CRLF3: variants seen among roughly 807,000 people sequenced by gnomAD.
CRLF3 encodes cytokine receptor like factor 3.
In CRLF3, 33 loss-of-function variants were observed where a neutral mutation model predicts 55.0. That is an observed-to-expected ratio of 0.60 (90% CI 0.46 to 0.80). The LOEUF (loss-of-function observed/expected upper bound fraction) is 0.80. Ranked by LOEUF, CRLF3 falls within the 30% of genes least tolerant of loss-of-function variation. The pLI, the probability that CRLF3 is intolerant of heterozygous loss-of-function variation, is 0.00. For synonymous variants in CRLF3, 238 were observed against 196.8 expected (o/e 1.21, Z -1.75); for missense variants, 494 against 538.4 (o/e 0.92, Z 0.82).
intron 1 of CRLF3, among the ~76,000 whole-genome samples, chr17:30,818,099 A>G (rs1904865591): frequency 6.6e-6 from 1 of 151,686 alleles, no homozygotes; most frequent in East Asian, 2.0e-4. Flanking sequence ...GTCTCTACTA[A>G]AAATACAAAA....
intron 6 of CRLF3, 27 bp from the exon 7 acceptor site, chr17:30,786,058 C>G: frequency 1.6e-6 from 2 of 1,234,212 alleles, no homozygotes; most frequent in Admixed American, 1.8e-5. Flanking sequence ...AAGGTCATTT[C>G]ATACTTTTAA....
intron 1 of CRLF3, among the ~76,000 whole-genome samples, chr17:30,817,264 C>A (rs1420923081): frequency 6.6e-6 from 1 of 152,024 alleles, no homozygotes; most frequent in Non-Finnish European, 1.5e-5. Context: ...ATGGTGAAAC[C>A]TCCTTCTACT....
chr17:30,797,430 GAAA>G, intron 2 of CRLF3, 32 bp from the exon 3 acceptor site: 1 of 1,545,934 alleles, frequency 6.5e-7, no homozygotes, highest in Non-Finnish European at 8.9e-7. Flanking sequence ...CTAGAACAAT[GAAA>G]ATGGTCACAT....
At chr17:30,815,329 A>AC (rs1466020657) in intron 1 of CRLF3, among the ~76,000 whole-genome samples, 1 of 148,540 alleles carries the variant, frequency 6.7e-6, no homozygotes, top group Non-Finnish European at 1.5e-5. Context: ...CAGGTGATCC[A>AC]CCCGCCTTGG....
At chr17:30,791,101 T>A (rs1216969724) in intron 6 of CRLF3, among the ~76,000 whole-genome samples, 3 of 151,996 alleles carry the variant, frequency 2.0e-5, no homozygotes, top group Non-Finnish European at 2.9e-5. Flanking sequence ...TTTTTCTTTT[T>A]GAGACGGGTC....
intron 3 of CRLF3, 46 bp from the exon 4 acceptor site, chr17:30,796,383 T>G: frequency 4.9e-6 from 7 of 1,441,120 alleles, no homozygotes; most frequent in Non-Finnish European, 6.6e-6. Context: ...AACTGAGAGT[T>G]AAAAAATACA....
At position 30,783,991 on chromosome 17, in the gene CRLF3, A is replaced by G. The variant is rs781648865; in HGVS notation, c.*196T>C. Reference sequence around the variant, plus strand: ...TATTTAACAGTATGCTAAAAATAAAATTGACTGAATTGTATGATTTTGTCC... The same window carrying G: ...TATTTAACAGTATGCTAAAAATAAAGTTGACTGAATTGTATGATTTTGTCC... On this transcript the variant is annotated 3_prime_UTR_variant, in exon 8 of 8. Transcript: ENST00000324238. The G allele has an allele frequency of 3.7e-6, 2 of 534,178 alleles. No homozygotes were observed. Among genetic ancestry groups the G allele is most frequent in the African/African-American group, 1.9e-5 (1 of 52,168 alleles). 33.1% of individuals were successfully genotyped at this position (534,178 alleles called of 1,614,324 possible). A position where few individuals can be genotyped will look rare whatever the true frequency, so the allele number is the denominator to read the frequency against.
At chr17:30,796,064 G>A (rs1028259972) in intron 4 of CRLF3, 96 bp downstream of exon 4, 16 of 727,658 alleles carry the variant, frequency 2.2e-5, no homozygotes, top group Non-Finnish European at 3.4e-5. Context: ...GAGAAGAAAA[G>A]AATGTATTTA....
rs1378142268 is a variant in CRLF3 at position 30,783,074 on chromosome 17, C to T, written c.*1113G>A. The T allele has an allele frequency of 6.6e-6, 1 of 151,998 alleles. No homozygotes were observed. Among genetic ancestry groups the T allele is most frequent in the East Asian group, 1.9e-4 (1 of 5,188 alleles). 9.4% of individuals were successfully genotyped at this position (151,998 alleles called of 1,614,324 possible). On this transcript the variant is annotated 3_prime_UTR_variant, in exon 8 of 8. Transcript: ENST00000324238. ...ATTTTTTTGCTCTGCTAAAAAGAGACCACTTATTAAACTGACATTAAACTG... is the reference window on the plus strand; with the variant it reads ...ATTTTTTTGCTCTGCTAAAAAGAGATCACTTATTAAACTGACATTAAACTG...
chr17:30,823,297 G>A (rs1382703415), intron 1 of CRLF3, among the ~76,000 whole-genome samples: 2 of 151,752 alleles, frequency 1.3e-5, no homozygotes, highest in Non-Finnish European at 2.9e-5. Flanking sequence ...GGGAGGCGGA[G>A]GTTGTTGCAG....
chr17:30,800,648 TTTAAGAGACAG>T (rs1312987996), intron 2 of CRLF3, among the ~76,000 whole-genome samples: 2 of 152,198 alleles, frequency 1.3e-5, no homozygotes, highest in Admixed American at 1.3e-4. Flanking sequence ...TGTTTTTATT[TTTAAGAGACAG>T]GGTCTTGCTC....
At chr17:30,785,694 A>G (rs1971626645) in intron 7 of CRLF3, among the ~76,000 whole-genome samples, 1 of 151,566 alleles carries the variant, frequency 6.6e-6, no homozygotes, top group Non-Finnish European at 1.5e-5. Context: ...AAGTGGGAGG[A>G]TGGCTTGGGC....
chr17:30,820,492 C>T (rs1160106633), intron 1 of CRLF3, among the ~76,000 whole-genome samples: 3 of 152,038 alleles, frequency 2.0e-5, no homozygotes, highest in Non-Finnish European at 2.9e-5. Flanking sequence ...AGTTAGAAAT[C>T]GGCCTGGCAG....
intron 1 of CRLF3, among the ~76,000 whole-genome samples, chr17:30,807,517 CTTTTTTTT>C (rs778842582): frequency 3.3e-4 from 21 of 62,956 alleles, no homozygotes; most frequent in South Asian, 1.0e-3. Context: ...ATTTTCTTTC[CTTTTTTTT>C]TTTTTTTTTT....
intron 1 of CRLF3, among the ~76,000 whole-genome samples, chr17:30,820,089 C>A (rs949478159): frequency 7.2e-5 from 11 of 152,162 alleles, no homozygotes; most frequent in African/African-American, 2.7e-4. Context: ...ATCAGCTAGG[C>A]CAAGTTGGCT....
At chr17:30,785,832 C>G in intron 7 of CRLF3, 87 bp downstream of exon 7, 1 of 664,004 alleles carries the variant, frequency 1.5e-6, no homozygotes, top group Admixed American at 2.7e-5. Context: ...TCATCTCCTA[C>G]TATAAATGTA....
intron 1 of CRLF3, among the ~76,000 whole-genome samples, chr17:30,815,069 C>A (rs1162306978): frequency 6.8e-6 from 1 of 146,608 alleles, no homozygotes; most frequent in East Asian, 2.0e-4. Context: ...TTTTTTCTTT[C>A]TTTTTTCTTT....
intron 1 of CRLF3, among the ~76,000 whole-genome samples, chr17:30,823,710 A>T (rs1353112689): frequency 6.6e-6 from 1 of 152,122 alleles, no homozygotes. Context: ...TAGAGAAACC[A>T]TATGGCTTTC....
Position 30,797,775 on chromosome 17 carries a change from GT to G in CRLF3, c.338-378del, listed in dbSNP as rs747340532. Among the ~76,000 whole-genome samples the G allele has an allele frequency of 2.8e-3, 356 of 128,110 alleles. 1 individual carries two copies. Among genetic ancestry groups the G allele is most frequent in the African/African-American group, 6.9e-3 (241 of 34,708 alleles). 84.0% of individuals were successfully genotyped at this position (128,110 alleles called of 152,430 possible). ...TGAGAGGTGCAACAGGGGATAGGGT[GT>G]TTTTTTTTTTTTTTTTGAGACTGGG... On this transcript the variant is annotated intron_variant, in intron 2 of 7. Coordinates refer to ENST00000324238, the MANE Select transcript of CRLF3 (RefSeq NM_015986.4).
Sources: allele counts gnomAD v4.1 joint callset (sites outside exome capture counted in the v4.1 genomes callset), GRCh38; gene constraint gnomAD v4.1.1; transcripts MANE v1.5; gene names NCBI Gene and HGNC (gene_info 2026-07-23, HGNC 2026-07-21).